LRFN1: variants seen among roughly 807,000 people sequenced by gnomAD.
LRFN1 encodes the protein leucine rich repeat and fibronectin type III domain containing 1.
A neutral mutation model predicts 31.8 loss-of-function variants in LRFN1; 20 were observed. The observed-to-expected ratio is 0.63, with a 90% CI of 0.44 to 0.91. The LOEUF (loss-of-function observed/expected upper bound fraction) is 0.91. Among genes scored for constraint, LRFN1 ranks in the 40% least tolerant of loss-of-function variants. The probability of loss-of-function intolerance (pLI) is 0.00; values close to 1 mark genes in which losing one functional copy is unlikely to be tolerated. For synonymous variants in LRFN1, 514 were observed against 541.3 expected, an observed-to-expected ratio of 0.95 and a Z score of 0.70; for missense variants, 912 against 1,129.8, an observed-to-expected ratio of 0.81 and a Z score of 2.76.
chr19:39,308,597 C>G lies in LRFN1; in HGVS notation c.1407-55G>C. The G allele has an allele frequency of 6.9e-7, 1 of 1,451,610 alleles. No individual in the cohort carries two copies. Among genetic ancestry groups the G allele is most frequent in the Non-Finnish European group, 9.2e-7 (1 of 1,090,324 alleles). 89.9% of individuals were successfully genotyped at this position (1,451,610 alleles called of 1,614,324 possible). Reference sequence around the variant, plus strand: ...TTAGTCCCCCCGAACCACGCCCCTTCGCTTTATGCCCCGCCCATGGTGAAC... The same window carrying G: ...TTAGTCCCCCCGAACCACGCCCCTTGGCTTTATGCCCCGCCCATGGTGAAC... On this transcript the variant is annotated intron_variant, in intron 4 of 4. Transcript: ENST00000248668. The surrounding 1 kb of genome is among the most constrained non-coding windows in gnomAD (Gnocchi z 6.2).
chr19:39,313,965 A>C lies in LRFN1; in HGVS notation c.1372T>G (p.Tyr458Asp). Residue 458 changes from tyrosine to aspartate, a missense_variant, in exon 4 of 5, where the codon TAC becomes GAC. This residue lies in a region of LRFN1 where 511 missense variants were observed against 557.0 expected (regional missense o/e 0.92). Transcript: ENST00000248668. ...VPGIRMYQVQYNSSVDDSLVY... is the reference protein window; with the variant it reads ...VPGIRMYQVQDNSSVDDSLVY... ...AGGGAGTCATCAACGGAACTGTTGT[A>C]CTGAACCTGGTACATGCGTATTCCG... 1 of 1,602,972 alleles carries C rather than the reference A, an allele frequency of 6.2e-7. No individual in the cohort carries two copies. The highest frequency in any genetic ancestry group is 8.5e-7 in the Non-Finnish European group (1 of 1,174,716).
chr19:39,319,911 G>A (rs901721716), intron 1 of LRFN1, among the ~76,000 whole-genome samples: 1 of 152,050 alleles, frequency 6.6e-6, no homozygotes, highest in Non-Finnish European at 1.5e-5. Flanking sequence ...AGCCCCAAAG[G>A]TTCCCCAGCC....
rs763229762 is a variant in LRFN1, at chr19:39,307,983, C to T, written c.1966G>A (p.Glu656Lys). Residue 656 changes from glutamate to lysine, a missense_variant, in exon 5 of 5, where the codon GAG (glutamate) becomes AAG (lysine). By Grantham distance (56) the Glu-to-Lys change is moderately conservative (BLOSUM62 1). Around this residue, in one of 2 missense-constraint regions of LRFN1, gnomAD observed 511 missense variants for 557.0 expected, o/e 0.92. Transcript: ENST00000248668. The surrounding 1 kb of genome is among the most constrained non-coding windows in gnomAD (Gnocchi z 6.7). Reference protein sequence around the residue: ...SATSLCLLPSEETSGEESRAA... With the variant: ...SATSLCLLPSKETSGEESRAA... ...CGAGACTCCTCCCCGGAAGTTTCCTCGGATGGCAGCAGGCACAGCGAGGTG... is the reference window on the plus strand; with the variant it reads ...CGAGACTCCTCCCCGGAAGTTTCCTTGGATGGCAGCAGGCACAGCGAGGTG... 2.5e-6 allele frequency: 4 copies of T among 1,578,930 alleles called. No individual in the cohort carries two copies. The highest frequency in any genetic ancestry group is 1.7e-5 in the Admixed American group (1 of 57,706).
In LRFN1 at chr19:39,320,835, T is replaced by G. The variant is rs1035789189; in HGVS notation, c.-168A>C. ...CGGGCCCGGCCCCGCCGCCGCTGCC[T>G]CGCTCCGCGCCATGGTGGGGGGAGG... On this transcript the variant is annotated 5_prime_UTR_variant, in exon 1 of 5. Coordinates refer to ENST00000248668, the MANE Select transcript of LRFN1 (RefSeq NM_020862.2). 1 of 140,598 alleles carries G rather than the reference T, an allele frequency of 7.1e-6. No homozygotes were observed. Among genetic ancestry groups the G allele is most frequent in the Non-Finnish European group, 1.6e-5 (1 of 64,016 alleles). 8.7% of individuals were successfully genotyped at this position (140,598 alleles called of 1,614,324 possible). A position where few individuals can be genotyped will look rare whatever the true frequency, so the allele number is the denominator to read the frequency against.
chr19:39,319,174 G>A (rs1813164039), intron 1 of LRFN1, among the ~76,000 whole-genome samples: 1 of 152,172 alleles, frequency 6.6e-6, no homozygotes, highest in African/African-American at 2.4e-5. Context: ...CACTGACTCT[G>A]CCATGCAAGT....
Position 39,306,988 on chromosome 19 carries a change from G to A in LRFN1, c.*645C>T. ...AAAGAGAAGAAATCAGGAGAGACAG[G>A]GAGACTAGACAAAACCAGGGAGGGC... On this transcript the variant is annotated 3_prime_UTR_variant, in exon 5 of 5. Transcript: ENST00000248668. The A allele has an allele frequency of 3.9e-6, 1 of 259,190 alleles. No homozygotes were observed. Among genetic ancestry groups the A allele is most frequent in the Non-Finnish European group, 7.2e-6 (1 of 137,954 alleles). 16.1% of individuals were successfully genotyped at this position (259,190 alleles called of 1,614,324 possible).
At chr19:39,310,773 C>T (rs532522631) in intron 4 of LRFN1, among the ~76,000 whole-genome samples, 3 of 152,154 alleles carry the variant, frequency 2.0e-5, no homozygotes, top group Non-Finnish European at 4.4e-5. Context: ...CCGATGCTTC[C>T]GCTTCCCCTC....
intron 4 of LRFN1, among the ~76,000 whole-genome samples, chr19:39,313,643 ACCATGAGC>A: frequency 6.6e-6 from 1 of 152,344 alleles, no homozygotes; most frequent in Admixed American, 6.5e-5. Context: ...AGTGATATCG[ACCATGAGC>A]CCCATGAGGG....
Position 39,314,122 on chromosome 19 carries a change from C to A in LRFN1, c.1215G>T (p.Glu405Asp). The A allele has an allele frequency of 2.5e-6, 4 of 1,612,290 alleles. No individual in the cohort carries two copies. Among genetic ancestry groups the A allele is most frequent in the Non-Finnish European group, 3.4e-6 (4 of 1,179,248 alleles). Reference protein sequence around the residue: ...PPPAAPPPLTEPGSSDIATPG... With the variant: ...PPPAAPPPLTDPGSSDIATPG... ...GCGTGGCGATGTCAGAGGAGCCGGG[C>A]TCGGTGAGAGGCGGCGGGGCAGCCG... The change falls in exon 4 of 5, where the codon GAG becomes GAT. Residue 405 changes from glutamate (E) to aspartate (D), a missense_variant. This residue lies in a region of LRFN1 where 511 missense variants were observed against 557.0 expected (regional missense o/e 0.92). Transcript: ENST00000248668.
intron 4 of LRFN1, among the ~76,000 whole-genome samples, chr19:39,313,203 G>A (rs992095316): frequency 1.3e-5 from 2 of 152,098 alleles, no homozygotes; most frequent in Non-Finnish European, 2.9e-5. Flanking sequence ...CAATGTGTTG[G>A]TTCAGTAGTA....
Position 39,315,430 on chromosome 19 carries a change from T to A in LRFN1, c.-37-57A>T. 8.4e-7 allele frequency: 1 copy of A among 1,193,016 alleles called. No individual in the cohort carries two copies. The highest frequency in any genetic ancestry group is 1.5e-5 in the African/African-American group (1 of 64,794). 73.9% of individuals were successfully genotyped at this position (1,193,016 alleles called of 1,614,324 possible). ...GGGACTTGGCCGCCATGGGATGTCC[T>A]GCTACGAGTCAGGCCTGGATCCCTC... is the stretch of plus-strand genomic sequence containing the variant. On this transcript the variant is annotated intron_variant, in intron 3 of 4. Transcript: ENST00000248668. The surrounding 1 kb of genome is among the most constrained non-coding windows in gnomAD (Gnocchi z 4.7).
chr19:39,314,967 G>T lies in LRFN1; in HGVS notation c.370C>A (p.Arg124Ser). 6.3e-7 allele frequency: 1 copy of T among 1,593,322 alleles called. No individual in the cohort carries two copies. The highest frequency in any genetic ancestry group is 8.5e-7 in the Non-Finnish European group (1 of 1,174,636). Residue 124 changes from arginine to serine, a missense_variant, in exon 4 of 5, where the codon CGC becomes AGC. Physicochemically the swap from Arg to Ser is moderately radical, Grantham distance 110. This residue lies in a region of LRFN1 where 401 missense variants were observed against 572.7 expected (regional missense o/e 0.70). Transcript: ENST00000248668. ...TGGTCGCCGCGCACCTCCGCCAGGC[G>T]GTTGCTGTCCAGGTGCAGGGCCCGG... ...ALRALHLDSN[R>S]LAEVRGDQLR... is the part of the protein sequence containing the mutation.
chr19:39,316,106 T>C lies in LRFN1; in HGVS notation c.-62A>G, dbSNP rs891009346. On this transcript the variant is annotated 5_prime_UTR_variant, in exon 3 of 5. Transcript: ENST00000248668. ...CTAGCTGTGTGACCTCCAGCAAGTA[T>C]CTGAACCTCTCTGATTCTCGGTTTC... 1 of 152,218 alleles carries C rather than the reference T, an allele frequency of 6.6e-6. No individual in the cohort carries two copies. The highest frequency in any genetic ancestry group is 1.5e-5 in the Non-Finnish European group (1 of 68,056). The allele number at this position is 152,218 out of a possible 1,614,324, so 9.4% of individuals were successfully genotyped here. A position where few individuals can be genotyped will look rare whatever the true frequency, so the allele number is the denominator to read the frequency against.
At chr19:39,311,875 CTTTTTTTTTTT>C (rs562002567) in intron 4 of LRFN1, among the ~76,000 whole-genome samples, 1 of 100,660 alleles carries the variant, frequency 9.9e-6, no homozygotes, top group Non-Finnish European at 2.0e-5. Flanking sequence ...AAAAGGGAGG[CTTTTTTTTTTT>C]TTTTTTTTTT....
At position 39,314,770 on chromosome 19, in the gene LRFN1, G is replaced by A. The variant is rs190901581; in HGVS notation, c.567C>T (p.Asn189=). The part of the protein sequence containing the change: ...WEAVGQMVNL[N]TLTLDHNLID... ...TGAGGTTGTGGTCCAGCGTGAGGGT[G>A]TTTAGGTTCACCATCTGGCCCACCG... is the stretch of plus-strand genomic sequence containing the variant. Residue 189 remains asparagine (N), a synonymous_variant, in exon 4 of 5, where the codon AAC becomes AAT. Coordinates refer to ENST00000248668, the MANE Select transcript of LRFN1 (RefSeq NM_020862.2). 290 of 1,613,172 alleles carry A rather than the reference G, an allele frequency of 1.8e-4. 1 individual carries two copies. The Middle Eastern group carries it at 1.8e-3, about 10-fold the overall frequency.
Position 39,313,954 on chromosome 19 carries a change from G to A in LRFN1, c.1383C>T (p.Ser461=), listed in dbSNP as rs369841857. The A allele has an allele frequency of 6.3e-7, 1 of 1,593,384 alleles. No homozygotes were observed. Among genetic ancestry groups the A allele is most frequent in the African/African-American group, 1.3e-5 (1 of 74,762 alleles). The change falls in exon 4 of 5, where the codon TCC becomes TCT. Residue 461 remains serine (S), a synonymous_variant. Transcript: ENST00000248668. ...ACCTGTAGACGAGGGAGTCATCAAC[G>A]GAACTGTTGTACTGAACCTGGTACA... ...IRMYQVQYNS[S]VDDSLVYRMI...
chr19:39,307,422 G>T lies in LRFN1; in HGVS notation c.*211C>A. 2.2e-6 allele frequency: 1 copy of T among 464,052 alleles called. No individual in the cohort carries two copies. Among genetic ancestry groups the T allele is most frequent in the Admixed American group, 4.4e-5 (1 of 22,848 alleles). The allele number at this position is 464,052 out of a possible 1,614,324, so 28.7% of individuals were successfully genotyped here. On this transcript the variant is annotated 3_prime_UTR_variant, in exon 5 of 5. Coordinates refer to ENST00000248668, the MANE Select transcript of LRFN1 (RefSeq NM_020862.2). This position sits in a 1 kb window ranked among gnomAD's most constrained non-coding sequence, Gnocchi z 6.7. ...TCGAGGAGTCCATAGGGGAAGGGAG[G>T]CCGGCAGCCGGTCCCCGAACCCCGC...
chr19:39,308,794 A>G lies in LRFN1; in HGVS notation c.1407-252T>C, dbSNP rs532460436. Among the ~76,000 whole-genome samples the G allele has an allele frequency of 2.6e-5, 4 of 152,112 alleles. No individual in the cohort carries two copies. Among genetic ancestry groups the G allele is most frequent in the East Asian group, 1.9e-4 (1 of 5,160 alleles). On this transcript the variant is annotated intron_variant, in intron 4 of 4. Transcript: ENST00000248668. The surrounding 1 kb of genome is among the most constrained non-coding windows in gnomAD (Gnocchi z 6.2). ...CATCACCCACTGGGACAATATATCT[A>G]TCATTCGTATTACCTCCTCTGCATA...
In LRFN1 at chr19:39,306,994, T is replaced by C; in HGVS notation, c.*639A>G. 7.5e-6 allele frequency: 2 copies of C among 266,064 alleles called. No homozygotes were observed. Among genetic ancestry groups the C allele is most frequent in the Non-Finnish European group, 1.4e-5 (2 of 142,586 alleles). The allele number at this position is 266,064 out of a possible 1,614,324, so 16.5% of individuals were successfully genotyped here. A position where few individuals can be genotyped will look rare whatever the true frequency, so the allele number is the denominator to read the frequency against. On this transcript the variant is annotated 3_prime_UTR_variant, in exon 5 of 5. Coordinates refer to ENST00000248668, the MANE Select transcript of LRFN1 (RefSeq NM_020862.2). ...AAGAAATCAGGAGAGACAGGGAGACTAGACAAAACCAGGGAGGGCCGAGGG... is the reference window on the plus strand; with the variant it reads ...AAGAAATCAGGAGAGACAGGGAGACCAGACAAAACCAGGGAGGGCCGAGGG...
Sources: allele counts gnomAD v4.1 joint callset (sites outside exome capture counted in the v4.1 genomes callset), GRCh38; gene constraint gnomAD v4.1.1; regional missense constraint gnomAD v4.1.1; non-coding constraint Gnocchi (gnomAD v3.1); transcripts MANE v1.5; gene names NCBI Gene and HGNC (gene_info 2026-07-23, HGNC 2026-07-21).